Variants in DENND1A observed in about 807,000 individuals in gnomAD.
DENND1A encodes the protein DENN domain-containing protein 1A.
Under a neutral mutation model 113.7 loss-of-function variants are expected in DENND1A, and 51 were observed. That is an observed-to-expected ratio of 0.45 (90% CI 0.36 to 0.57). DENND1A has a LOEUF of 0.57. DENND1A is among the 20% of genes least tolerant of loss of function. DENND1A has a pLI of 0.00. For synonymous variants in DENND1A, 565 were observed against 570.8 expected (o/e 0.99, Z 0.14); for missense variants, 1,258 against 1,395.9 (o/e 0.90, Z 1.57).
At position 123,775,892 on chromosome 9, in the gene DENND1A, C is replaced by T. The variant is rs774538823; in HGVS notation, c.133-6329G>A. On this transcript the variant is annotated intron_variant, in intron 3 of 23. Transcript: ENST00000394215. ...CTGAATTCGCTGCTCTCCACGTCTC[C>T]TCTTGGGACACAAGCCTAGCAGATG... Among the ~76,000 whole-genome samples the T allele has an allele frequency of 6.1e-4, 93 of 152,144 alleles. 1 individual carries two copies. The highest frequency in any genetic ancestry group is 1.8e-4 in the Non-Finnish European group (12 of 68,030).
intron 19 of DENND1A, among the ~76,000 whole-genome samples, chr9:123,415,459 C>T (rs1420299904): frequency 6.6e-6 from 1 of 152,172 alleles, no homozygotes; most frequent in African/African-American, 2.4e-5. Context: ...AAGGGGAGGG[C>T]TGCACTAATT....
At chr9:123,495,773 G>A (rs560545296) in intron 13 of DENND1A, among the ~76,000 whole-genome samples, 2 of 152,284 alleles carry the variant, frequency 1.3e-5, no homozygotes, top group African/African-American at 4.8e-5. Flanking sequence ...CCCATGACAC[G>A]TATGGAAAGT....
At position 123,639,474 on chromosome 9, in the gene DENND1A, C is replaced by A. The variant is rs1420927021; in HGVS notation, c.619-8998G>T. 5.1e-5 allele frequency among the ~76,000 whole-genome samples: 5 copies of A among 97,894 alleles called. No individual in the cohort carries two copies. The South Asian group carries it at 9.7e-4, about 19-fold the overall frequency. 64.2% of individuals were successfully genotyped at this position (97,894 alleles called of 152,430 possible). A position where few individuals can be genotyped will look rare whatever the true frequency, so the allele number is the denominator to read the frequency against. The stretch of plus-strand genomic sequence containing the variant: ...CCTACCAAAAAAAAAAAAAAAAAAA[C>A]CTCAGAAGAAAGATTCAAGCTATAA... On this transcript the variant is annotated intron_variant, in intron 9 of 23. Coordinates refer to ENST00000394215, the MANE Select transcript of DENND1A (RefSeq NM_001352964.2).
At position 123,419,644 on chromosome 9, in the gene DENND1A, G is replaced by A. The variant is rs574629173; in HGVS notation, c.1489-7815C>T. The stretch of plus-strand genomic sequence containing the variant: ...AAAGGGCCTCTGCGCCGAGAGCAAG[G>A]CTCCTCTACACTTTGGGACTGGAAA... On this transcript the variant is annotated intron_variant, in intron 19 of 23. Transcript: ENST00000394215. 3.9e-5 allele frequency among the ~76,000 whole-genome samples: 6 copies of A among 152,346 alleles called. No homozygotes were observed. In the East Asian group the frequency reaches 1.2e-3, roughly 29 times the overall value.
At chr9:123,601,073 T>A (rs1015170050) in intron 11 of DENND1A, among the ~76,000 whole-genome samples, 4 of 152,194 alleles carry the variant, frequency 2.6e-5, no homozygotes, top group Non-Finnish European at 5.9e-5. Flanking sequence ...AACCTATATA[T>A]AATGACATAA....
intron 18 of DENND1A, among the ~76,000 whole-genome samples, chr9:123,449,185 T>C (rs1564509171): frequency 6.6e-6 from 1 of 152,180 alleles, no homozygotes; most frequent in Non-Finnish European, 1.5e-5. Context: ...ACAGGGCTGT[T>C]CTGAGGATTA....
At chr9:123,872,527 C>T (rs967196384) in intron 2 of DENND1A, among the ~76,000 whole-genome samples, 3 of 152,116 alleles carry the variant, frequency 2.0e-5, no homozygotes, top group Non-Finnish European at 2.9e-5. Flanking sequence ...CACATTCACA[C>T]ACACAAAAGA....
chr9:123,602,655 T>G (rs149470946), intron 11 of DENND1A, among the ~76,000 whole-genome samples: 1 of 152,250 alleles, frequency 6.6e-6, no homozygotes, highest in African/African-American at 2.4e-5. Flanking sequence ...AGATTTTTCA[T>G]GCAAATATCA....
intron 2 of DENND1A, among the ~76,000 whole-genome samples, chr9:123,850,469 A>C (rs1194210244): frequency 6.6e-6 from 1 of 152,270 alleles, no homozygotes; most frequent in African/African-American, 2.4e-5. Flanking sequence ...ATAACTTTAC[A>C]TGCATTGGGA....
chr9:123,461,143 T>C (rs961359850), intron 13 of DENND1A, among the ~76,000 whole-genome samples: 2 of 152,220 alleles, frequency 1.3e-5, no homozygotes, highest in Non-Finnish European at 2.9e-5. Context: ...CCTCACCTTC[T>C]TCATTGCTTT....
At chr9:123,805,520 GC>G (rs1835394004) in intron 2 of DENND1A, among the ~76,000 whole-genome samples, 1 of 150,410 alleles carries the variant, frequency 6.6e-6, no homozygotes, top group Non-Finnish European at 1.5e-5. Context: ...TGCAACTTCT[GC>G]CTCCTGGGTT....
At chr9:123,390,882 C>T (rs535810356) in intron 21 of DENND1A, among the ~76,000 whole-genome samples, 1 of 152,250 alleles carries the variant, frequency 6.6e-6, no homozygotes, top group Non-Finnish European at 1.5e-5. Flanking sequence ...CCTATCCAAG[C>T]ACGGGCCCCC....
intron 13 of DENND1A, among the ~76,000 whole-genome samples, chr9:123,527,723 CA>C (rs2054961490): frequency 6.6e-6 from 1 of 152,160 alleles, no homozygotes; most frequent in Non-Finnish European, 1.5e-5. Flanking sequence ...TCCCTGCCAT[CA>C]ACCCAGTGCC....
chr9:123,413,895 C>T, intron 19 of DENND1A: 1 of 985,540 alleles, frequency 1.0e-6, no homozygotes, highest in African/African-American at 1.7e-5. Flanking sequence ...GGAGCCCACC[C>T]CCTCCACCGG....
At chr9:123,481,378 C>T (rs559886977) in intron 13 of DENND1A, among the ~76,000 whole-genome samples, 3 of 152,260 alleles carry the variant, frequency 2.0e-5, no homozygotes, top group Admixed American at 6.5e-5. Flanking sequence ...GAAGCGGGAG[C>T]GGGAGGAAGA....
chr9:123,709,569 C>T (rs1205991485), intron 5 of DENND1A, among the ~76,000 whole-genome samples: 4 of 152,098 alleles, frequency 2.6e-5, no homozygotes, highest in African/African-American at 7.2e-5. Flanking sequence ...TTAAGTTTTC[C>T]GTAGATCTTG....
At chr9:123,856,976 G>C (rs561113527) in intron 2 of DENND1A, among the ~76,000 whole-genome samples, 1 of 152,120 alleles carries the variant, frequency 6.6e-6, no homozygotes, top group East Asian at 1.9e-4. Flanking sequence ...GAAATCGGAA[G>C]TACTGGTGTG....
chr9:123,729,196 C>G (rs987660566), intron 5 of DENND1A, among the ~76,000 whole-genome samples: 3 of 152,128 alleles, frequency 2.0e-5, no homozygotes, highest in Admixed American at 2.0e-4. Flanking sequence ...CTTTGAAAAC[C>G]AGCACAAGGA....
At chr9:123,582,607 G>A (rs773876970) in intron 12 of DENND1A, among the ~76,000 whole-genome samples, 3 of 151,958 alleles carry the variant, frequency 2.0e-5, no homozygotes, top group African/African-American at 4.8e-5. Flanking sequence ...CACCATGTTA[G>A]CCAGGATGGT....
Sources: allele counts gnomAD v4.1 joint callset (sites outside exome capture counted in the v4.1 genomes callset), GRCh38; gene constraint gnomAD v4.1.1; transcripts MANE v1.5; gene names NCBI Gene and HGNC (gene_info 2026-07-23, HGNC 2026-07-21).